Variants in CACNB2 observed in about 807,000 individuals in gnomAD.
CACNB2 encodes calcium voltage-gated channel auxiliary subunit beta 2, also known as voltage-dependent L-type calcium channel subunit beta-2.
Under a neutral mutation model 73.3 loss-of-function variants are expected in CACNB2, and 42 were observed. The observed-to-expected ratio is 0.57, with a 90% confidence interval of 0.45 to 0.74. The LOEUF (loss-of-function observed/expected upper bound fraction) is 0.74. CACNB2 is among the 30% of genes least tolerant of loss of function. The pLI is 0.00. For synonymous variants in CACNB2, 348 were observed against 310.3 expected (o/e 1.12, Z -1.28); for missense variants, 940 against 853.0 (o/e 1.10, Z -1.27).
chr10:18,473,923 C>T (rs1343998013), intron 3 of CACNB2, among the ~76,000 whole-genome samples: 4 of 152,168 alleles, frequency 2.6e-5, no homozygotes, highest in Admixed American at 1.3e-4. Flanking sequence ...GCTGCAGGTG[C>T]AGCTCCCCGC....
chr10:18,352,542 C>T (rs1564460314), intron 2 of CACNB2, among the ~76,000 whole-genome samples: 1 of 152,178 alleles, frequency 6.6e-6, no homozygotes. Context: ...CCAGGAGTTC[C>T]ATTTTTAAGC....
At chr10:18,451,870 T>C (rs1011226465) in intron 3 of CACNB2, among the ~76,000 whole-genome samples, 1 of 152,226 alleles carries the variant, frequency 6.6e-6, no homozygotes, top group Non-Finnish European at 1.5e-5. Flanking sequence ...AGCTTACATC[T>C]AGATAGGGCT....
chr10:18,361,468 C>T lies in CACNB2; in HGVS notation c.214-40456C>T, dbSNP rs372704647. Among the ~76,000 whole-genome samples the T allele has an allele frequency of 4.2e-5, 6 of 143,102 alleles. 1 individual carries two copies. The East Asian group carries it at 1.0e-3, about 25-fold the overall frequency. 93.9% of individuals were successfully genotyped at this position (143,102 alleles called of 152,430 possible). The stretch of plus-strand genomic sequence containing the variant: ...GAGCCAAGATCGCACCACTGCACTC[C>T]AGCCTGGGCAACAAAGCAAGACTCT... On this transcript the variant is annotated intron_variant, in intron 2 of 13. Transcript: ENST00000324631.
intron 2 of CACNB2, among the ~76,000 whole-genome samples, chr10:18,173,356 C>T (rs1284957843): frequency 1.3e-5 from 2 of 152,168 alleles, no homozygotes; most frequent in African/African-American, 4.8e-5. Context: ...AATTGCCTTT[C>T]CAAAGGCCAT....
intron 3 of CACNB2, among the ~76,000 whole-genome samples, chr10:18,482,851 T>C (rs2048857106): frequency 6.6e-6 from 1 of 152,136 alleles, no homozygotes; most frequent in Admixed American, 6.5e-5. Context: ...TTACTACATG[T>C]TATTCTCAGA....
At chr10:18,183,502 C>T (rs905086399) in intron 2 of CACNB2, among the ~76,000 whole-genome samples, 3 of 152,144 alleles carry the variant, frequency 2.0e-5, no homozygotes, top group Non-Finnish European at 4.4e-5. Flanking sequence ...GGGGAGGCCT[C>T]ACAATCATGG....
intron 1 of CACNB2, among the ~76,000 whole-genome samples, chr10:18,142,622 T>C (rs2130988492): frequency 6.6e-6 from 1 of 152,336 alleles, no homozygotes; most frequent in African/African-American, 2.4e-5. Flanking sequence ...TTTATTCTTA[T>C]GATAAAAATA....
intron 2 of CACNB2, among the ~76,000 whole-genome samples, chr10:18,302,659 G>A (rs1011822869): frequency 3.9e-5 from 6 of 152,152 alleles, no homozygotes; most frequent in Non-Finnish European, 8.8e-5. Flanking sequence ...CTATGAGGAT[G>A]CAAAGGCATA....
In CACNB2 at chr10:18,326,754, TCTCA is replaced by T. The variant is rs532711390; in HGVS notation, c.214-75166_214-75163del. ...AAGTAATAATTTTTTTGAGACAGGG[TCTCA>T]CTCTGTTGCCCAAGTTGGAGTACAG... On this transcript the variant is annotated intron_variant, in intron 2 of 13. Coordinates refer to ENST00000324631, the MANE Select transcript of CACNB2 (RefSeq NM_201596.3). Among the ~76,000 whole-genome samples, 32 of 152,302 alleles carry T rather than the reference TCTCA, an allele frequency of 2.1e-4. No homozygotes were observed. The South Asian group carries it at 6.6e-3, about 32-fold the overall frequency.
chr10:18,446,254 C>T (rs1419584887), intron 3 of CACNB2, among the ~76,000 whole-genome samples: 6 of 152,104 alleles, frequency 3.9e-5, no homozygotes, highest in South Asian at 2.1e-4. Flanking sequence ...TGAGAAAGGA[C>T]CTGAAATGGT....
rs574993402 is a variant in CACNB2 at position 18,298,366 on chromosome 10, T to C, written c.214-103558T>C. On this transcript the variant is annotated intron_variant, in intron 2 of 13. Coordinates refer to ENST00000324631, the MANE Select transcript of CACNB2 (RefSeq NM_201596.3). ...GCCTGGGCGAAAGAGCGAAACTCTGTCTCAAAAAAAAAAAAACCTAACCTT... is the reference window on the plus strand; with the variant it reads ...GCCTGGGCGAAAGAGCGAAACTCTGCCTCAAAAAAAAAAAAACCTAACCTT... Among the ~76,000 whole-genome samples, 13 of 140,054 alleles carry C rather than the reference T, an allele frequency of 9.3e-5. No homozygotes were observed. In the East Asian group the frequency reaches 2.5e-3, roughly 27 times the overall value. The allele number at this position is 140,054 out of a possible 152,430, so 91.9% of individuals were successfully genotyped here.
chr10:18,420,166 G>C (rs931737412), intron 3 of CACNB2, among the ~76,000 whole-genome samples: 7 of 152,124 alleles, frequency 4.6e-5, no homozygotes, highest in African/African-American at 1.7e-4. Context: ...GCCAAAACTT[G>C]AATGTTTCAT....
At chr10:18,159,525 G>A (rs1248707733) in intron 2 of CACNB2, among the ~76,000 whole-genome samples, 5 of 152,168 alleles carry the variant, frequency 3.3e-5, no homozygotes, top group African/African-American at 9.7e-5. Context: ...TGACAAAATG[G>A]AATGAACCAA....
chr10:18,247,046 T>A (rs1354447302), intron 2 of CACNB2, among the ~76,000 whole-genome samples: 1 of 152,192 alleles, frequency 6.6e-6, no homozygotes, highest in Admixed American at 6.5e-5. Context: ...AGGCATAATC[T>A]GCTGGGGCCT....
At chr10:18,389,951 T>G (rs540800334) in intron 2 of CACNB2, among the ~76,000 whole-genome samples, 1 of 152,338 alleles carries the variant, frequency 6.6e-6, no homozygotes, top group African/African-American at 2.4e-5. Context: ...TTTCTTACTG[T>G]TTTACTTATC....
At chr10:18,513,005 C>A in intron 6 of CACNB2, 1 of 197,602 alleles carries the variant, frequency 5.1e-6, no homozygotes, top group South Asian at 9.8e-5. Flanking sequence ...TCTCATCGAT[C>A]TGCTGAGCAT....
At chr10:18,519,739 G>A (rs1589653339) in intron 9 of CACNB2, 1 of 455,914 alleles carries the variant, frequency 2.2e-6, no homozygotes, top group East Asian at 7.0e-5. Context: ...AAAGAATTGA[G>A]TGTACTGGCT....
chr10:18,226,726 G>T (rs1393071858), intron 2 of CACNB2, among the ~76,000 whole-genome samples: 1 of 152,074 alleles, frequency 6.6e-6, no homozygotes, highest in East Asian at 1.9e-4. Context: ...GTTTTTGCAG[G>T]TATAATCTCA....
At chr10:18,400,429 C>A in intron 2 of CACNB2, 1 of 242,082 alleles carries the variant, frequency 4.1e-6, no homozygotes, top group Non-Finnish European at 6.7e-6. Context: ...CCGAAGAGAC[C>A]TTTCCAGCTG....
Sources: gnomAD v4.1 joint callset for allele counts (sites outside exome capture counted in the v4.1 genomes callset) on GRCh38, gnomAD v4.1.1 for gene constraint, MANE v1.5 for transcripts, NCBI Gene and HGNC (gene_info 2026-07-23, HGNC 2026-07-21) for gene names.